Variants in GRK1 observed in about 807,000 individuals in gnomAD.
GRK1 encodes the protein rhodopsin kinase GRK1.
A neutral mutation model predicts 41.7 loss-of-function variants in GRK1; 28 were observed. The observed-to-expected ratio is 0.67, with a 90% CI of 0.50 to 0.92. The LOEUF (loss-of-function observed/expected upper bound fraction) is 0.92, where lower values mean the gene tolerates loss of function less well. Ranked by LOEUF, GRK1 falls within the 40% of genes least tolerant of loss-of-function variation. The pLI, the probability that GRK1 is intolerant of heterozygous loss-of-function variation, is 0.00. For synonymous variants in GRK1, 327 were observed against 286.7 expected (o/e 1.14, Z -1.42); for missense variants, 703 against 671.2 (o/e 1.05, Z -0.52).
In GRK1 at chr13:113,671,780, G is replaced by A; in HGVS notation, c.985+124G>A. 3.0e-6 allele frequency: 2 copies of A among 672,224 alleles called. No individual in the cohort carries two copies. Among genetic ancestry groups the A allele is most frequent in the Non-Finnish European group, 2.7e-6 (1 of 367,524 alleles). 41.6% of individuals were successfully genotyped at this position (672,224 alleles called of 1,614,324 possible). ...GTGTGGACGGTGGGGGTTCATGAGG[G>A]CTGACGGCTTCGTGGACGGTGGAGG... On this transcript the variant is annotated intron_variant, in intron 3 of 6. Coordinates refer to ENST00000335678, the MANE Select transcript of GRK1 (RefSeq NM_002929.3). The surrounding 1 kb of genome is among the most constrained non-coding windows in gnomAD (Gnocchi z 4.1).
intron 4 of GRK1, among the ~76,000 whole-genome samples, chr13:113,727,367 G>A (rs1244185315): frequency 3.3e-5 from 5 of 152,068 alleles, no homozygotes; most frequent in Non-Finnish European, 5.9e-5. Context: ...TGGGCTGTAG[G>A]GTGTGGACTG....
At chr13:113,659,322 C>T in the GRK1 span, among the ~76,000 whole-genome samples, 1,065 of 152,292 alleles carry the variant, frequency 7.0e-3, 13 homozygotes, top group African/African-American at 0.024. Context: ...GCTCAGGGGC[C>T]TTCTGACAAA....
At chr13:113,669,909 T>A in intron 2 of GRK1, 95 bp downstream of exon 2, 1 of 1,494,358 alleles carries the variant, frequency 6.7e-7, no homozygotes, top group Non-Finnish European at 9.1e-7. Flanking sequence ...AGAGCCATGG[T>A]GGCCCCAGGC....
Position 113,731,310 on chromosome 13 carries a change from G to A in GRK1, c.1161G>A (p.Ala387=), listed in dbSNP as rs552142937. Residue 387 remains alanine (A), a synonymous_variant, in exon 5 of 7, where the codon GCG becomes GCA. Coordinates refer to ENST00000335678, the MANE Select transcript of GRK1 (RefSeq NM_002929.3). The surrounding 1 kb of genome is among the most constrained non-coding windows in gnomAD (Gnocchi z 5.6). ...ALGVTLYEMI[A]ARGPFRARGE... ...GGGTCACCCTGTATGAGATGATTGC[G>A]GCCAGAGGACCCTTCCGAGCCCGTG... 1.8e-5 allele frequency: 28 copies of A among 1,537,000 alleles called. No individual in the cohort carries two copies. Among genetic ancestry groups the A allele is most frequent in the African/African-American group, 5.5e-5 (4 of 73,100 alleles).
At chr13:113,670,107 C>A (rs1310255853) in intron 2 of GRK1, among the ~76,000 whole-genome samples, 2 of 152,194 alleles carry the variant, frequency 1.3e-5, no homozygotes, top group African/African-American at 4.8e-5. Context: ...ACGTGTGATG[C>A]AGTCGGCGGG....
intron 4 of GRK1, among the ~76,000 whole-genome samples, chr13:113,724,510 G>A (rs995322231): frequency 6.6e-6 from 1 of 152,184 alleles, no homozygotes; most frequent in African/African-American, 2.4e-5. Context: ...GTGGCCACGG[G>A]GGGGACATCC....
chr13:113,651,543 T>C, the GRK1 span: 1 of 1,092,702 alleles, frequency 9.2e-7, no homozygotes, highest in Non-Finnish European at 1.3e-6. Context: ...GGTGTTTACG[T>C]CTGGTTTACT....
the GRK1 span, chr13:113,658,069 T>C: frequency 6.2e-7 from 1 of 1,610,636 alleles, no homozygotes. Flanking sequence ...ATCTGCCCCG[T>C]GTCCGGGTTC....
At position 113,667,826 on chromosome 13, in the gene GRK1, AG is replaced by A. The variant is rs1457834848; in HGVS notation, c.441del (p.Gln147HisfsTer26). The A allele has an allele frequency of 6.3e-7, 1 of 1,595,684 alleles. No individual in the cohort carries two copies. The highest frequency in any genetic ancestry group is 1.7e-5 in the Admixed American group (1 of 57,964). ...GPVEIQDGLF[Q>X]PLLQATLAHL... ...GTGGAGATCCAGGACGGGCTCTTCC[AG>A]CCCCTGCTGCAGGCCACCCTGGCAC... On this transcript the variant is annotated frameshift_variant, in exon 1 of 7. Coordinates refer to ENST00000335678, the MANE Select transcript of GRK1 (RefSeq NM_002929.3). LOFTEE classifies it high-confidence loss of function. The surrounding 1 kb of genome is among the most constrained non-coding windows in gnomAD (Gnocchi z 7.5).
chr13:113,672,213 G>T (rs1000890669), intron 3 of GRK1, among the ~76,000 whole-genome samples: 1 of 151,182 alleles, frequency 6.6e-6, no homozygotes, highest in Non-Finnish European at 1.5e-5. Flanking sequence ...GTTGTGTGTG[G>T]TGTGTGTGTG....
chr13:113,651,839 C>T, the GRK1 span: 3 of 1,317,894 alleles, frequency 2.3e-6, no homozygotes, highest in East Asian at 5.2e-5. Flanking sequence ...GGCTTTCTGA[C>T]CAGGACTGAG....
At position 113,731,506 on chromosome 13, in the gene GRK1, C is replaced by A; in HGVS notation, c.1194+163C>A. ...CACGTGCTGGGGTCTTGCTCCTGGG[C>A]CATGCTGTTCTGTCTCAGTGGGTGA... On this transcript the variant is annotated intron_variant, in intron 5 of 6. Transcript: ENST00000335678. This position sits in a 1 kb window ranked among gnomAD's most constrained non-coding sequence, Gnocchi z 5.6. 1 of 604,274 alleles carries A rather than the reference C, an allele frequency of 1.7e-6. No individual in the cohort carries two copies. Among genetic ancestry groups the A allele is most frequent in the Non-Finnish European group, 2.1e-6 (1 of 481,670 alleles). The allele number at this position is 604,274 out of a possible 1,614,324, so 37.4% of individuals were successfully genotyped here.
At chr13:113,654,486 TG>T in the GRK1 span, among the ~76,000 whole-genome samples, 1 of 152,234 alleles carries the variant, frequency 6.6e-6, no homozygotes, top group Non-Finnish European at 1.5e-5. Flanking sequence ...AGTAAGTGGA[TG>T]GAAAAACTTT....
At chr13:113,660,404 C>T in the GRK1 span, among the ~76,000 whole-genome samples, 1 of 152,196 alleles carries the variant, frequency 6.6e-6, no homozygotes, top group South Asian at 2.1e-4. Context: ...AGTGGGAAAC[C>T]TAGACTTCTG....
chr13:113,661,865 C>T, the GRK1 span, among the ~76,000 whole-genome samples: 4 of 152,166 alleles, frequency 2.6e-5, no homozygotes, highest in Admixed American at 1.3e-4. Context: ...AACCTCTAGG[C>T]CCAGATGATT....
the GRK1 span, chr13:113,658,127 C>G: frequency 6.2e-7 from 1 of 1,612,876 alleles, no homozygotes; most frequent in Non-Finnish European, 8.5e-7. Flanking sequence ...ACGTCTTCTT[C>G]TCCTGCAGAG....
chr13:113,658,167 C>G, the GRK1 span: 1 of 1,599,242 alleles, frequency 6.3e-7, no homozygotes, highest in African/African-American at 1.3e-5. Flanking sequence ...GAGATCCTCC[C>G]GTCTGCTCCC....
In GRK1 at chr13:113,667,931, C is replaced by T. The variant is rs980309508; in HGVS notation, c.545C>T (p.Ala182Val). 2 of 1,607,792 alleles carry T rather than the reference C, an allele frequency of 1.2e-6. No individual in the cohort carries two copies. Among genetic ancestry groups the T allele is most frequent in the Admixed American group, 1.7e-5 (1 of 59,196 alleles). Residue 182 changes from alanine to valine, a missense_variant, in exon 1 of 7, where the codon GCC (alanine) becomes GTC (valine). Physicochemically the swap from Ala to Val is moderately conservative, Grantham distance 64. Transcript: ENST00000335678. This position sits in a 1 kb window ranked among gnomAD's most constrained non-coding sequence, Gnocchi z 7.5. The part of the protein sequence containing the change: ...LRFLQWKWLE[A>V]QPMGEDWFLD... Reference sequence around the variant, plus strand: ...TTCCTGCAGTGGAAGTGGCTGGAAGCCCAGCCCATGGGGGAGGACTGGTTC... The same window carrying T: ...TTCCTGCAGTGGAAGTGGCTGGAAGTCCAGCCCATGGGGGAGGACTGGTTC...
At position 113,671,518 on chromosome 13, in the gene GRK1, A is replaced by T. The variant is rs771881371; in HGVS notation, c.847A>T (p.Asn283Tyr). 3 of 779,334 alleles carry T rather than the reference A, an allele frequency of 3.8e-6. No homozygotes were observed. In the African/African-American group the frequency reaches 5.1e-5, roughly 13 times the overall value. 48.3% of individuals were successfully genotyped at this position (779,334 alleles called of 1,614,324 possible). A position where few individuals can be genotyped will look rare whatever the true frequency, so the allele number is the denominator to read the frequency against. The change falls in exon 3 of 7, where the codon AAT (asparagine) becomes TAT (tyrosine). Residue 283 changes from asparagine to tyrosine, a missense_variant. Asn to Tyr is a moderately radical substitution (Grantham distance 143, BLOSUM62 -2). Coordinates refer to ENST00000335678, the MANE Select transcript of GRK1 (RefSeq NM_002929.3). The surrounding 1 kb of genome is among the most constrained non-coding windows in gnomAD (Gnocchi z 4.1). The stretch of plus-strand genomic sequence containing the variant: ...CCCCAGGTACCACATCTACAACGTG[A>T]ATGAGGAGAACCCTGGCTTCCCGGA... ...GDIRYHIYNV[N>Y]EENPGFPEPR...
Sources: allele counts gnomAD v4.1 joint callset (sites outside exome capture counted in the v4.1 genomes callset), GRCh38; gene constraint gnomAD v4.1.1; non-coding constraint Gnocchi (gnomAD v3.1); transcripts MANE v1.5; gene names NCBI Gene and HGNC (gene_info 2026-07-23, HGNC 2026-07-21).